OR2H2: variants seen among roughly 807,000 people sequenced by gnomAD.
OR2H2 encodes olfactory receptor 2H2.
For synonymous variants in OR2H2, 146 were observed against 132.4 expected (o/e 1.10, Z -0.71); for missense variants, 295 against 313.7 (o/e 0.94, Z 0.45).
In OR2H2 at chr6:29,588,647, G is replaced by T; in HGVS notation, c.703G>T (p.Ala235Ser). 7.1e-7 allele frequency: 1 copy of T among 1,411,628 alleles called. No homozygotes were observed. Among genetic ancestry groups the T allele is most frequent in the Non-Finnish European group, 1.0e-6 (1 of 996,762 alleles). 87.4% of individuals were successfully genotyped at this position (1,411,628 alleles called of 1,614,324 possible). A position where few individuals can be genotyped will look rare whatever the true frequency, so the allele number is the denominator to read the frequency against. The stretch of plus-strand genomic sequence containing the variant: ...TAACTCTGCAAAAGGGCGGAGGAAA[G>T]CTTTTGGGACCTGCTCCTCCCATCT... ...RINSAKGRRK[A>S]FGTCSSHLTV... The change falls in exon 2 of 2, where the codon GCT becomes TCT. Residue 235 changes from alanine to serine, a missense_variant. Ala to Ser is a moderately conservative substitution (Grantham distance 99). Coordinates refer to ENST00000641840, the MANE Select transcript of OR2H2 (RefSeq NM_007160.4).
At position 29,587,819 on chromosome 6, in the gene OR2H2, G is replaced by A. The variant is rs1760367493; in HGVS notation, c.-126G>A. The A allele has an allele frequency of 1.2e-4, 78 of 659,256 alleles. 2 individuals carry two copies. In the South Asian group the frequency reaches 1.4e-3, roughly 12 times the overall value. The allele number at this position is 659,256 out of a possible 1,614,324, so 40.8% of individuals were successfully genotyped here. On this transcript the variant is annotated 5_prime_UTR_variant, in exon 2 of 2. Coordinates refer to ENST00000641840, the MANE Select transcript of OR2H2 (RefSeq NM_007160.4). ...AGCCTTGGAAAGGGAGGCTGGGCGA[G>A]CAGAGACAGAAGAGAAACACCTACC...
rs1760546032 is a variant in OR2H2 at position 29,589,727 on chromosome 6, C to A, written c.*844C>A. 6.6e-6 allele frequency: 1 copy of A among 152,164 alleles called. No individual in the cohort carries two copies. Among genetic ancestry groups the A allele is most frequent in the African/African-American group, 2.4e-5 (1 of 41,436 alleles). The allele number at this position is 152,164 out of a possible 1,614,324, so 9.4% of individuals were successfully genotyped here. On this transcript the variant is annotated 3_prime_UTR_variant, in exon 2 of 2. Transcript: ENST00000641840. ...CAAAGACATAGATATGGTTATGATA[C>A]TATAAGCATTTATGTAATTGTTATG...
chr6:29,585,195 C>A lies in OR2H2; in HGVS notation c.-431C>A, dbSNP rs1001953655. The A allele has an allele frequency of 6.6e-6, 1 of 152,230 alleles. No homozygotes were observed. Among genetic ancestry groups the A allele is most frequent in the Non-Finnish European group, 1.5e-5 (1 of 68,044 alleles). The allele number at this position is 152,230 out of a possible 1,614,324, so 9.4% of individuals were successfully genotyped here. On this transcript the variant is annotated 5_prime_UTR_variant, in exon 1 of 2. Coordinates refer to ENST00000641840, the MANE Select transcript of OR2H2 (RefSeq NM_007160.4). ...GTGCCAGATGGTCAGCATTAGCAAT[C>A]CCTATTGTGACCAGAGATGCAGTTG...
chr6:29,585,566 A>G (rs898221432), intron 1 of OR2H2, among the ~76,000 whole-genome samples: 5 of 152,324 alleles, frequency 3.3e-5, no homozygotes, highest in Admixed American at 3.3e-4. Flanking sequence ...TGTGAGAACC[A>G]GATGTTCAGG....
rs1345604460 is a variant in OR2H2, at chr6:29,589,006, CAT to C, written c.*124_*125del. On this transcript the variant is annotated 3_prime_UTR_variant, in exon 2 of 2. Transcript: ENST00000641840. ...ACATTGTGGGAATGGATGAAAGCCA[CAT>C]GTCTGTGTGTGTGCATGTATGTGTG... 15 of 635,372 alleles carry C rather than the reference CAT, an allele frequency of 2.4e-5. No individual in the cohort carries two copies. Among genetic ancestry groups the C allele is most frequent in the Middle Eastern group, 2.6e-4 (1 of 3,840 alleles). 39.4% of individuals were successfully genotyped at this position (635,372 alleles called of 1,614,324 possible). A position where few individuals can be genotyped will look rare whatever the true frequency, so the allele number is the denominator to read the frequency against.
chr6:29,587,881 T>A lies in OR2H2; in HGVS notation c.-64T>A. On this transcript the variant is annotated 5_prime_UTR_variant, in exon 2 of 2. Coordinates refer to ENST00000641840, the MANE Select transcript of OR2H2 (RefSeq NM_007160.4). ...CACAAACACCCAGGCTGAGTTTTGA[T>A]AAGACAGGTTGAATCACACTGGAGT... 3 of 702,992 alleles carry A rather than the reference T, an allele frequency of 4.3e-6. No individual in the cohort carries two copies. Among genetic ancestry groups the A allele is most frequent in the Non-Finnish European group, 7.8e-6 (3 of 383,616 alleles). 43.5% of individuals were successfully genotyped at this position (702,992 alleles called of 1,614,324 possible).
chr6:29,588,776 G>A lies in OR2H2; in HGVS notation c.832G>A (p.Val278Met). The A allele has an allele frequency of 1.1e-6, 1 of 910,178 alleles. No individual in the cohort carries two copies. Among genetic ancestry groups the A allele is most frequent in the East Asian group, 2.4e-5 (1 of 41,750 alleles). 56.4% of individuals were successfully genotyped at this position (910,178 alleles called of 1,614,324 possible). The change falls in exon 2 of 2, where the codon GTG (valine) becomes ATG (methionine). Residue 278 changes from valine to methionine, a missense_variant. Transcript: ENST00000641840. ...CAAGTTCTTTGGTCTCTTCTATGCA[G>A]TGGGCACTCCTTCACTTAACCCTCT... ...RGKFFGLFYA[V>M]GTPSLNPLIY...
At chr6:29,587,358 T>C (rs1760335606) in intron 1 of OR2H2, 1 of 152,404 alleles carries the variant, frequency 6.6e-6, no homozygotes, top group Non-Finnish European at 1.5e-5. Context: ...AGTAGGGATA[T>C]CTTAAAACAA....
Position 29,588,942 on chromosome 6 carries a change from G to A in OR2H2, c.*59G>A, listed in dbSNP as rs3025647. ...AGATTCTATGTGCTTTTATCAGAAA[G>A]TTTGAGTTCCCTGCCCCTCTGCCTT... is the stretch of plus-strand genomic sequence containing the variant. On this transcript the variant is annotated 3_prime_UTR_variant, in exon 2 of 2. Coordinates refer to ENST00000641840, the MANE Select transcript of OR2H2 (RefSeq NM_007160.4). 8.3e-6 allele frequency: 6 copies of A among 726,448 alleles called. No homozygotes were observed. Among genetic ancestry groups the A allele is most frequent in the South Asian group, 7.7e-5 (5 of 65,060 alleles). 45.0% of individuals were successfully genotyped at this position (726,448 alleles called of 1,614,324 possible). A position where few individuals can be genotyped will look rare whatever the true frequency, so the allele number is the denominator to read the frequency against.
chr6:29,590,117 G>A lies in OR2H2; in HGVS notation c.*1234G>A, dbSNP rs1447157840. On this transcript the variant is annotated 3_prime_UTR_variant, in exon 2 of 2. Coordinates refer to ENST00000641840, the MANE Select transcript of OR2H2 (RefSeq NM_007160.4). ...TAAAGTCAAAAAATGGTCAAAGTCA[G>A]GAACCCCCTGCAATTTACACATATT... 6.6e-6 allele frequency: 1 copy of A among 152,122 alleles called. No individual in the cohort carries two copies. Among genetic ancestry groups the A allele is most frequent in the Admixed American group, 6.5e-5 (1 of 15,274 alleles). The allele number at this position is 152,122 out of a possible 1,614,324, so 9.4% of individuals were successfully genotyped here.
At position 29,588,110 on chromosome 6, in the gene OR2H2, C is replaced by A; in HGVS notation, c.166C>A (p.Pro56Thr). ...LSALDPKLHS[P>T]MYFFLSNLSF... ...TGCGCTGGACCCCAAGCTCCACTCT[C>A]CAATGTACTTTTTCCTCTCCAACCT... The change falls in exon 2 of 2, where the codon CCA (proline) becomes ACA (threonine). Residue 56 changes from proline (P) to threonine (T), a missense_variant. Pro to Thr is a conservative substitution (Grantham distance 38). Coordinates refer to ENST00000641840, the MANE Select transcript of OR2H2 (RefSeq NM_007160.4). 1 of 1,002,688 alleles carries A rather than the reference C, an allele frequency of 1.0e-6. No individual in the cohort carries two copies. The highest frequency in any genetic ancestry group is 1.6e-6 in the Non-Finnish European group (1 of 620,990). The allele number at this position is 1,002,688 out of a possible 1,614,324, so 62.1% of individuals were successfully genotyped here. A position where few individuals can be genotyped will look rare whatever the true frequency, so the allele number is the denominator to read the frequency against.
Position 29,588,089 on chromosome 6 carries a change from C to A in OR2H2, c.145C>A (p.Leu49Met). 1.0e-6 allele frequency: 1 copy of A among 952,984 alleles called. No individual in the cohort carries two copies. Among genetic ancestry groups the A allele is most frequent in the Non-Finnish European group, 1.7e-6 (1 of 575,444 alleles). 59.0% of individuals were successfully genotyped at this position (952,984 alleles called of 1,614,324 possible). ...GNTLIILLSALDPKLHSPMYF... is the reference protein window; with the variant it reads ...GNTLIILLSAMDPKLHSPMYF... Reference sequence around the variant, plus strand: ...CACACTCATCATCCTGCTGTCTGCGCTGGACCCCAAGCTCCACTCTCCAAT... The same window carrying A: ...CACACTCATCATCCTGCTGTCTGCGATGGACCCCAAGCTCCACTCTCCAAT... Residue 49 changes from leucine to methionine, a missense_variant, in exon 2 of 2, where the codon CTG becomes ATG. Coordinates refer to ENST00000641840, the MANE Select transcript of OR2H2 (RefSeq NM_007160.4).
At chr6:29,586,738 G>A (rs1175375038) in intron 1 of OR2H2, among the ~76,000 whole-genome samples, 1 of 152,154 alleles carries the variant, frequency 6.6e-6, no homozygotes, top group African/African-American at 2.4e-5. Flanking sequence ...TGGCAAAAAG[G>A]GAGATGTGAT....
rs555400589 is a variant in OR2H2 at position 29,586,544 on chromosome 6, T to C, written c.-275-1126T>C. On this transcript the variant is annotated intron_variant, in intron 1 of 1. Transcript: ENST00000641840. Reference sequence around the variant, plus strand: ...TGGTGACATCTTGAGGGGTGACAAATTGAGAAAATTGAGAGATCAGGGAGG... The same window carrying C: ...TGGTGACATCTTGAGGGGTGACAAACTGAGAAAATTGAGAGATCAGGGAGG... Among the ~76,000 whole-genome samples the C allele has an allele frequency of 3.4e-5, 5 of 148,964 alleles. No individual in the cohort carries two copies. The East Asian group carries it at 5.9e-4, about 18-fold the overall frequency.
chr6:29,585,129 G>C lies in OR2H2; in HGVS notation c.-497G>C, dbSNP rs1764103069. ...AAATTTACTAATCAAGAGATAATCT[G>C]AGCCAGCTCCAGCTCATCACACACA... is the stretch of plus-strand genomic sequence containing the variant. On this transcript the variant is annotated 5_prime_UTR_variant, in exon 1 of 2. Transcript: ENST00000641840. 1 of 152,200 alleles carries C rather than the reference G, an allele frequency of 6.6e-6. No homozygotes were observed. Among genetic ancestry groups the C allele is most frequent in the Non-Finnish European group, 1.5e-5 (1 of 68,030 alleles). The allele number at this position is 152,200 out of a possible 1,614,324, so 9.4% of individuals were successfully genotyped here. A position where few individuals can be genotyped will look rare whatever the true frequency, so the allele number is the denominator to read the frequency against.
At chr6:29,586,485 T>TAAAA (rs771489542) in intron 1 of OR2H2, among the ~76,000 whole-genome samples, 846 of 82,374 alleles carry the variant, frequency 0.01, 12 homozygotes, top group Middle Eastern at 0.02. Flanking sequence ...AACGTGACTC[T>TAAAA]AAAAAAAAAA....
At position 29,588,929 on chromosome 6, in the gene OR2H2, C is replaced by T. The variant is rs1760494422; in HGVS notation, c.*46C>T. On this transcript the variant is annotated 3_prime_UTR_variant, in exon 2 of 2. Transcript: ENST00000641840. ...TTTAAAAGAGAGGAGATTCTATGTG[C>T]TTTTATCAGAAAGTTTGAGTTCCCT... 1 of 748,102 alleles carries T rather than the reference C, an allele frequency of 1.3e-6. No individual in the cohort carries two copies. The highest frequency in any genetic ancestry group is 1.4e-5 in the South Asian group (1 of 69,088). 46.3% of individuals were successfully genotyped at this position (748,102 alleles called of 1,614,324 possible).
chr6:29,588,232 T>C lies in OR2H2; in HGVS notation c.288T>C (p.Ser96=). ...PKKTISFLDC[S]VQIFIFLSLG... is the part of the protein sequence containing the mutation. ...AGACCATCAGCTTCCTGGACTGCTC[T>C]GTCCAGATCTTCATCTTCCTGTCCC... Residue 96 remains serine, a synonymous_variant, in exon 2 of 2, where the codon TCT becomes TCC. Transcript: ENST00000641840. 1 of 1,554,752 alleles carries C rather than the reference T, an allele frequency of 6.4e-7. No homozygotes were observed. The highest frequency in any genetic ancestry group is 1.7e-5 in the Admixed American group (1 of 59,966).
Position 29,590,228 on chromosome 6 carries a change from T to C in OR2H2, c.*1345T>C, listed in dbSNP as rs1461995210. 6.6e-6 allele frequency: 1 copy of C among 152,206 alleles called. No individual in the cohort carries two copies. Among genetic ancestry groups the C allele is most frequent in the Non-Finnish European group, 1.5e-5 (1 of 68,044 alleles). The allele number at this position is 152,206 out of a possible 1,614,324, so 9.4% of individuals were successfully genotyped here. Reference sequence around the variant, plus strand: ...GGTAAAAACTAAAACACAGAATTTATGTTACCACTTGCAAATGTGCAAGAC... The same window carrying C: ...GGTAAAAACTAAAACACAGAATTTACGTTACCACTTGCAAATGTGCAAGAC... On this transcript the variant is annotated 3_prime_UTR_variant, in exon 2 of 2. Coordinates refer to ENST00000641840, the MANE Select transcript of OR2H2 (RefSeq NM_007160.4).
Sources: gnomAD v4.1 joint callset for allele counts (sites outside exome capture counted in the v4.1 genomes callset) on GRCh38, gnomAD v4.1.1 for gene constraint, MANE v1.5 for transcripts, NCBI Gene and HGNC (gene_info 2026-07-23, HGNC 2026-07-21) for gene names.